Variants in FBXW7 observed in about 807,000 individuals in gnomAD.
FBXW7 encodes the protein F-box and WD repeat domain containing 7.
Under a neutral mutation model 86.3 loss-of-function variants are expected in FBXW7, and 11 were observed. The observed-to-expected ratio is 0.13, with a 90% CI of 0.08 to 0.21. The LOEUF (loss-of-function observed/expected upper bound fraction) is 0.21, where lower values mean the gene tolerates loss of function less well. FBXW7 is among the 10% of genes least tolerant of loss of function. FBXW7 has a pLI of 1.00. For missense variants in FBXW7, 488 were observed against 847.4 expected, an observed-to-expected ratio of 0.58 and a Z score of 5.27; for synonymous variants, 313 against 297.9, an observed-to-expected ratio of 1.05 and a Z score of -0.52.
At chr4:152,359,946 AG>A (rs1732771086) in intron 4 of FBXW7, among the ~76,000 whole-genome samples, 1 of 152,162 alleles carries the variant, frequency 6.6e-6, no homozygotes, top group African/African-American at 2.4e-5. Context: ...AAGTGTTGAG[AG>A]GGAAGAAGGA....
At chr4:152,446,207 T>C (rs1741375332) in intron 2 of FBXW7, among the ~76,000 whole-genome samples, 1 of 152,224 alleles carries the variant, frequency 6.6e-6, no homozygotes, top group Admixed American at 6.5e-5. Context: ...CCCAGGTCTA[T>C]TCTATTAACC....
At chr4:152,500,317 A>G (rs149779025) in intron 2 of FBXW7, among the ~76,000 whole-genome samples, 23 of 152,232 alleles carry the variant, frequency 1.5e-4, no homozygotes, top group Non-Finnish European at 3.1e-4. Flanking sequence ...CTGAGACCAA[A>G]GGAGCAAACA....
At chr4:152,391,956 T>C (rs1393675480) in intron 4 of FBXW7, among the ~76,000 whole-genome samples, 1 of 152,162 alleles carries the variant, frequency 6.6e-6, no homozygotes, top group Non-Finnish European at 1.5e-5. Flanking sequence ...GTTTCAGATA[T>C]GTAAGTTTGT....
At chr4:152,343,820 T>C (rs1013282779) in intron 6 of FBXW7, among the ~76,000 whole-genome samples, 1 of 152,002 alleles carries the variant, frequency 6.6e-6, no homozygotes, top group Non-Finnish European at 1.5e-5. Flanking sequence ...GTATAAACTT[T>C]CTATTTTTTT....
Position 152,340,772 on chromosome 4 carries a change from A to C in FBXW7, c.727-2836T>G, listed in dbSNP as rs553638510. Among the ~76,000 whole-genome samples the C allele has an allele frequency of 5.3e-5, 8 of 152,176 alleles. No individual in the cohort carries two copies. In the South Asian group the frequency reaches 8.3e-4, roughly 16 times the overall value. On this transcript the variant is annotated intron_variant, in intron 6 of 13. Transcript: ENST00000281708. ...GCCTGGAGTCCTTCCTGAACTCCAG[A>C]CCTGTATTATGTTGTTGCTTTTTCA...
At chr4:152,355,255 A>T (rs979725538) in intron 4 of FBXW7, among the ~76,000 whole-genome samples, 3 of 152,054 alleles carry the variant, frequency 2.0e-5, no homozygotes, top group African/African-American at 7.2e-5. Context: ...CTTTATTCAG[A>T]TTTAAGTTTT....
intron 2 of FBXW7, among the ~76,000 whole-genome samples, chr4:152,484,469 T>C (rs1348634078): frequency 6.6e-6 from 1 of 152,148 alleles, no homozygotes; most frequent in African/African-American, 2.4e-5. Flanking sequence ...TTATAATTAC[T>C]TGGCTACACA....
intron 4 of FBXW7, among the ~76,000 whole-genome samples, chr4:152,410,337 A>G (rs1737831683): frequency 1.3e-5 from 2 of 152,180 alleles, no homozygotes; most frequent in Admixed American, 1.3e-4. Context: ...GAGCCTTAAC[A>G]AAGTGGTGCT....
chr4:152,487,615 CA>C (rs1469883256), intron 2 of FBXW7, among the ~76,000 whole-genome samples: 1 of 151,818 alleles, frequency 6.6e-6, no homozygotes, highest in African/African-American at 2.4e-5. Context: ...AGAAGAGAGG[CA>C]AAAGAATGAG....
intron 4 of FBXW7, among the ~76,000 whole-genome samples, chr4:152,377,834 A>G (rs935797163): frequency 5.9e-5 from 9 of 152,010 alleles, no homozygotes; most frequent in Non-Finnish European, 8.8e-5. Flanking sequence ...GGAACTAGAG[A>G]AAATGAGTCT....
At chr4:152,456,447 G>A (rs1018145487) in intron 2 of FBXW7, among the ~76,000 whole-genome samples, 2 of 151,158 alleles carry the variant, frequency 1.3e-5, no homozygotes, top group African/African-American at 4.9e-5. Context: ...GAGGCAGGGG[G>A]ATCACTTGAA....
At chr4:152,531,692 T>C (rs995813242) in intron 2 of FBXW7, among the ~76,000 whole-genome samples, 7 of 152,162 alleles carry the variant, frequency 4.6e-5, no homozygotes, top group African/African-American at 1.7e-4. Context: ...CTCTGTCAGC[T>C]ATTTTTGGCC....
In FBXW7 at chr4:152,366,185, A is replaced by C. The variant is rs555902991; in HGVS notation, c.502-16061T>G. On this transcript the variant is annotated intron_variant, in intron 4 of 13. Transcript: ENST00000281708. Reference sequence around the variant, plus strand: ...TACTGTCTATTGTTTATAATACTTAATATATTTCCCCCTCAGGGAAAAGTC... The same window carrying C: ...TACTGTCTATTGTTTATAATACTTACTATATTTCCCCCTCAGGGAAAAGTC... Among the ~76,000 whole-genome samples the C allele has an allele frequency of 2.0e-5, 3 of 152,320 alleles. No individual in the cohort carries two copies. The South Asian group carries it at 6.2e-4, about 32-fold the overall frequency.
At chr4:152,479,994 C>G (rs941662902) in intron 2 of FBXW7, among the ~76,000 whole-genome samples, 1 of 152,098 alleles carries the variant, frequency 6.6e-6, no homozygotes, top group Non-Finnish European at 1.5e-5. Flanking sequence ...CCTTCCTTTT[C>G]TTCTTATCTC....
intron 2 of FBXW7, among the ~76,000 whole-genome samples, chr4:152,414,500 T>C (rs1280308478): frequency 1.3e-5 from 2 of 152,102 alleles, no homozygotes; most frequent in African/African-American, 4.8e-5. Flanking sequence ...AAAAGTATCA[T>C]TCGTGGCTGT....
In FBXW7 at chr4:152,363,310, C is replaced by T. The variant is rs139754565; in HGVS notation, c.502-13186G>A. ...TCTACCACATTTTAGAAATATTTGT[C>T]CAGGGTTACTAAAAGCCAAGCACTA... On this transcript the variant is annotated intron_variant, in intron 4 of 13. Coordinates refer to ENST00000281708, the MANE Select transcript of FBXW7 (RefSeq NM_001349798.2). Among the ~76,000 whole-genome samples, 789 of 152,078 alleles carry T rather than the reference C, an allele frequency of 5.2e-3. 5 individuals carry two copies. Among genetic ancestry groups the T allele is most frequent in the Non-Finnish European group, 8.8e-3 (596 of 67,980 alleles).
At chr4:152,455,355 C>T (rs1446976387) in intron 2 of FBXW7, among the ~76,000 whole-genome samples, 2 of 152,152 alleles carry the variant, frequency 1.3e-5, no homozygotes, top group Non-Finnish European at 2.9e-5. Context: ...TTTCCAATAA[C>T]ATCTTCCTCA....
intron 4 of FBXW7, among the ~76,000 whole-genome samples, chr4:152,356,553 T>C (rs1054637105): frequency 2.6e-5 from 4 of 152,134 alleles, no homozygotes; most frequent in African/African-American, 9.6e-5. Flanking sequence ...ACCACCACAG[T>C]TAGCTGTCTT....
chr4:152,500,392 T>A (rs1397438413), intron 2 of FBXW7, among the ~76,000 whole-genome samples: 5 of 146,056 alleles, frequency 3.4e-5, no homozygotes, highest in African/African-American at 1.3e-4. Flanking sequence ...AACTGCACCA[T>A]ACCAATACAT....
Sources: gnomAD v4.1 joint callset for allele counts (sites outside exome capture counted in the v4.1 genomes callset) on GRCh38, gnomAD v4.1.1 for gene constraint, MANE v1.5 for transcripts, NCBI Gene and HGNC (gene_info 2026-07-23, HGNC 2026-07-21) for gene names.